The following TMPRSS15 variants were observed in gnomAD, a reference collection of about 807,000 sequenced individuals.
TMPRSS15 encodes transmembrane serine protease 15.
In TMPRSS15, 128 loss-of-function variants were observed where a neutral mutation model predicts 125.3. That is an observed-to-expected ratio of 1.02 (90% CI 0.89 to 1.18). The LOEUF (loss-of-function observed/expected upper bound fraction) is 1.18, where lower values mean the gene tolerates loss of function less well. TMPRSS15 is among the 50% of genes most tolerant of loss of function. TMPRSS15 has a pLI of 0.00. For synonymous variants in TMPRSS15, 446 were observed against 423.2 expected (o/e 1.05, Z -0.66); for missense variants, 1,283 against 1,212.7 (o/e 1.06, Z -0.86).
At chr21:18,373,259 A>T (rs1259510980) in intron 5 of TMPRSS15, among the ~76,000 whole-genome samples, 1 of 152,154 alleles carries the variant, frequency 6.6e-6, no homozygotes, top group Admixed American at 6.5e-5. Flanking sequence ...TTACTTCTTA[A>T]TTAAAAACTT....
rs565882166 is a variant in TMPRSS15, at chr21:18,321,631, G to A, written c.1921+4801C>T. Among the ~76,000 whole-genome samples the A allele has an allele frequency of 2.6e-5, 4 of 152,238 alleles. No individual in the cohort carries two copies. The South Asian group carries it at 6.2e-4, about 24-fold the overall frequency. On this transcript the variant is annotated intron_variant, in intron 16 of 24. Coordinates refer to ENST00000284885, the MANE Select transcript of TMPRSS15 (RefSeq NM_002772.3). Reference sequence around the variant, plus strand: ...CTCCCAAAGTGCTGGGGTTACGGGCGTGAGCCACGTGCCCGGCCGCAAAAA... The same window carrying A: ...CTCCCAAAGTGCTGGGGTTACGGGCATGAGCCACGTGCCCGGCCGCAAAAA...
At chr21:18,313,364 C>T (rs574541242) in intron 17 of TMPRSS15, among the ~76,000 whole-genome samples, 33 of 150,234 alleles carry the variant, frequency 2.2e-4, no homozygotes, top group African/African-American at 8.0e-4. Flanking sequence ...TATATATACA[C>T]ACTTTTTAAA....
At chr21:18,418,269 G>A (rs113052391) in intron 1 of TMPRSS15, among the ~76,000 whole-genome samples, 1 of 152,160 alleles carries the variant, frequency 6.6e-6, no homozygotes, top group African/African-American at 2.4e-5. Flanking sequence ...GTGGATTAGA[G>A]GTGAGAGAGT....
At chr21:18,477,957 A>G (rs1301242293) in intron 1 of TMPRSS15, among the ~76,000 whole-genome samples, 1 of 152,006 alleles carries the variant, frequency 6.6e-6, no homozygotes, top group Non-Finnish European at 1.5e-5. Context: ...GAGTGAAGGG[A>G]CTTGAGGTGG....
intron 1 of TMPRSS15, among the ~76,000 whole-genome samples, chr21:18,478,576 A>G (rs548369473): frequency 6.6e-6 from 1 of 152,146 alleles, no homozygotes; most frequent in East Asian, 1.9e-4. Context: ...TTCCACAAAC[A>G]TCCTCTGTTT....
intron 15 of TMPRSS15, 77 bp from the exon 16 acceptor site, chr21:18,326,649 C>G (rs2075294481): frequency 2.6e-6 from 4 of 1,567,170 alleles, no homozygotes; most frequent in Admixed American, 3.4e-5. Flanking sequence ...CATCTCAGTT[C>G]CCTCTGCCAG....
chr21:18,370,695 C>G (rs895922296), intron 6 of TMPRSS15, among the ~76,000 whole-genome samples: 2 of 152,090 alleles, frequency 1.3e-5, no homozygotes, highest in South Asian at 4.1e-4. Context: ...CTTTAAAGGT[C>G]TGAATTTTAT....
intron 1 of TMPRSS15, among the ~76,000 whole-genome samples, chr21:18,399,218 G>T (rs1412650962): frequency 6.6e-6 from 1 of 151,972 alleles, no homozygotes; most frequent in African/African-American, 2.4e-5. Context: ...AGTTTAGAAC[G>T]ATTAAGAAAA....
chr21:18,280,575 C>CAAAAAAAAAA (rs1230513414), intron 22 of TMPRSS15, among the ~76,000 whole-genome samples: 20 of 48,348 alleles, frequency 4.1e-4, no homozygotes, highest in African/African-American at 1.2e-3. Context: ...GACTCCGTCT[C>CAAAAAAAAAA]AAAAAAAAAA....
At chr21:18,360,535 T>G (rs1396886628) in intron 7 of TMPRSS15, among the ~76,000 whole-genome samples, 1 of 152,118 alleles carries the variant, frequency 6.6e-6, no homozygotes, top group East Asian at 1.9e-4. Context: ...TCGATATCAT[T>G]TGTGGAAAAA....
At chr21:18,425,005 A>G (rs919133504) in intron 1 of TMPRSS15, among the ~76,000 whole-genome samples, 1 of 150,154 alleles carries the variant, frequency 6.7e-6, no homozygotes, top group Non-Finnish European at 1.5e-5. Flanking sequence ...ATATGAATAC[A>G]TATGAATTAA....
chr21:18,420,211 T>C (rs189329827), intron 1 of TMPRSS15, among the ~76,000 whole-genome samples: 6 of 152,360 alleles, frequency 3.9e-5, no homozygotes, highest in East Asian at 1.9e-4. Context: ...TCTGCGTCTA[T>C]GCAATGAATG....
chr21:18,401,806 C>T (rs1356984823), intron 1 of TMPRSS15, among the ~76,000 whole-genome samples: 1 of 152,110 alleles, frequency 6.6e-6, no homozygotes, highest in Non-Finnish European at 1.5e-5. Flanking sequence ...AACTCGAATC[C>T]CTTTTTATAT....
At chr21:18,477,944 C>T (rs1189371473) in intron 1 of TMPRSS15, among the ~76,000 whole-genome samples, 1 of 151,888 alleles carries the variant, frequency 6.6e-6, no homozygotes, top group Non-Finnish European at 1.5e-5. Flanking sequence ...TCCTTAATCC[C>T]AAGAGTGAAG....
chr21:18,330,787 T>G (rs2075336592), intron 14 of TMPRSS15, among the ~76,000 whole-genome samples: 1 of 152,154 alleles, frequency 6.6e-6, no homozygotes, highest in African/African-American at 2.4e-5. Flanking sequence ...AAAAGATGTC[T>G]TCAGGCCGGG....
chr21:18,385,709 C>T (rs1480082794), intron 3 of TMPRSS15, among the ~76,000 whole-genome samples: 1 of 152,062 alleles, frequency 6.6e-6, no homozygotes, highest in Non-Finnish European at 1.5e-5. Flanking sequence ...AATTAACTTC[C>T]TTTAAAACCT....
At position 18,403,047 on chromosome 21, in the gene TMPRSS15, TAA is replaced by T. The variant is rs1309884648; in HGVS notation, c.145+429_145+430del. Among the ~76,000 whole-genome samples, 13 of 152,320 alleles carry T rather than the reference TAA, an allele frequency of 8.5e-5. No homozygotes were observed. The East Asian group carries it at 2.5e-3, about 29-fold the overall frequency. On this transcript the variant is annotated intron_variant, in intron 1 of 24. Transcript: ENST00000284885. ...ACTGATAAGAGAATGAAGATAGAAA[TAA>T]ACAATATTTTCTGTTAACTTTGCAT...
chr21:18,365,626 T>TCCTC (rs1569035569), intron 6 of TMPRSS15, among the ~76,000 whole-genome samples: 2 of 111,740 alleles, frequency 1.8e-5, no homozygotes, highest in Admixed American at 9.5e-5. Context: ...CTCTCTTTCT[T>TCCTC]TCTCTTTCTC....
intron 23 of TMPRSS15, among the ~76,000 whole-genome samples, chr21:18,276,755 CTTTTT>C (rs372920414): frequency 0.064 from 7,773 of 121,240 alleles, 521 homozygotes; most frequent in African/African-American, 0.19. Flanking sequence ...AACTGGGATT[CTTTTT>C]TTTTTTTTTT....
Sources: gnomAD v4.1 joint callset for allele counts (sites outside exome capture counted in the v4.1 genomes callset) on GRCh38, gnomAD v4.1.1 for gene constraint, MANE v1.5 for transcripts, NCBI Gene and HGNC (gene_info 2026-07-23, HGNC 2026-07-21) for gene names.